Variants in SS18 observed in about 807,000 individuals in gnomAD.
SS18 encodes SS18 subunit of BAF chromatin remodeling complex.
SS18 carries 28 observed loss-of-function variants against 72.5 expected under a neutral mutation model. That is an observed-to-expected ratio of 0.39 (90% CI 0.29 to 0.53). The LOEUF is 0.53. Ranked by LOEUF, SS18 falls within the 20% of genes least tolerant of loss-of-function variation. SS18 has a pLI of 0.76. For missense variants in SS18, 518 were observed against 535.3 expected (o/e 0.97, Z 0.32); for synonymous variants, 172 against 164.2 (o/e 1.05, Z -0.37).
Position 26,052,736 on chromosome 18 carries a change from A to G in SS18, c.495T>C (p.His165=), listed in dbSNP as rs766670091. ...SSHGSMGGYN[H]SVPSSQSMPV... ...GCATGCTCTGTGATGATGGCACAGA[A>G]TGGTTGTAACCTCCCATGGATCCAT... is the stretch of plus-strand genomic sequence containing the variant. Residue 165 remains histidine (H), a synonymous_variant, in exon 5 of 11, where the codon CAT becomes CAC. Coordinates refer to ENST00000415083, the MANE Select transcript of SS18 (RefSeq NM_001007559.3). The G allele has an allele frequency of 5.7e-5, 92 of 1,614,030 alleles. No homozygotes were observed. The highest frequency in any genetic ancestry group is 1.2e-4 in the Admixed American group (7 of 60,004).
intron 5 of SS18, among the ~76,000 whole-genome samples, chr18:26,050,227 A>G (rs906270367): frequency 6.8e-6 from 1 of 147,964 alleles, no homozygotes; most frequent in African/African-American, 2.5e-5. Flanking sequence ...AAAAAGTGAG[A>G]CTCCACCTCA....
At chr18:26,080,694 T>G (rs1010929066) in intron 2 of SS18, among the ~76,000 whole-genome samples, 5 of 152,214 alleles carry the variant, frequency 3.3e-5, no homozygotes, top group African/African-American at 9.7e-5. Flanking sequence ...ACAGAAAAGT[T>G]TCAATAGCAA....
intron 2 of SS18, chr18:26,078,486 G>GTACA (rs1241026484): frequency 4.1e-5 from 8 of 195,982 alleles, no homozygotes; most frequent in Admixed American, 1.7e-4. Flanking sequence ...TTGATAACTT[G>GTACA]TACATGATTG....
Position 26,034,985 on chromosome 18 carries a change from T to C in SS18, c.1096+20A>G, listed in dbSNP as rs375637555. The C allele has an allele frequency of 6.9e-6, 11 of 1,598,066 alleles. No homozygotes were observed. Among genetic ancestry groups the C allele is most frequent in the Non-Finnish European group, 8.5e-7 (1 of 1,174,632 alleles). ...CAGCACATTTTTTTGGTGATAAAAA[T>C]ACACTGTACAAAGCTTTACCGTAGC... On this transcript the variant is annotated intron_variant, in intron 9 of 10. Transcript: ENST00000415083.
At chr18:26,039,480 C>T (rs772159961) in intron 5 of SS18, 24 bp from the exon 6 acceptor site, 1 of 1,569,334 alleles carries the variant, frequency 6.4e-7, no homozygotes, top group Admixed American at 1.7e-5. Context: ...CAACATTATA[C>T]ACATAATTTT....
chr18:26,039,698 A>C (rs1175824507), intron 5 of SS18, among the ~76,000 whole-genome samples: 1 of 152,214 alleles, frequency 6.6e-6, no homozygotes, highest in East Asian at 1.9e-4. Flanking sequence ...GATGATTCTT[A>C]GTCATTTTTT....
intron 10 of SS18, among the ~76,000 whole-genome samples, chr18:26,022,268 C>T (rs59218431): frequency 0.11 from 16,588 of 151,930 alleles, 1,481 homozygotes; most frequent in African/African-American, 0.23. Flanking sequence ...AGAGACTCAA[C>T]AGTAATAAAA....
intron 5 of SS18, among the ~76,000 whole-genome samples, chr18:26,044,375 A>G (rs2053783225): frequency 6.8e-6 from 1 of 146,544 alleles, no homozygotes; most frequent in African/African-American, 2.6e-5. Context: ...CCCAGGCTGG[A>G]GTGCATGGTA....
intron 5 of SS18, among the ~76,000 whole-genome samples, chr18:26,043,536 T>C (rs1424466010): frequency 6.6e-6 from 1 of 152,222 alleles, no homozygotes; most frequent in Non-Finnish European, 1.5e-5. Context: ...ATAATTTATT[T>C]GCAAGAATCC....
intron 3 of SS18, among the ~76,000 whole-genome samples, chr18:26,069,736 G>A (rs559883518): frequency 4.7e-4 from 72 of 152,184 alleles, no homozygotes; most frequent in Admixed American, 1.3e-3. Context: ...TACCACAATA[G>A]AAAGAACTAT....
At chr18:26,087,617 C>T in intron 1 of SS18, 40 bp from the exon 2 acceptor site, 1 of 1,172,556 alleles carries the variant, frequency 8.5e-7, no homozygotes, top group Non-Finnish European at 1.2e-6. Context: ...AAAACTAGTG[C>T]ATCAAGTAAA....
At position 26,060,864 on chromosome 18, in the gene SS18, G is replaced by A. The variant is rs73403503; in HGVS notation, c.232-3122C>T. On this transcript the variant is annotated intron_variant, in intron 3 of 10. Coordinates refer to ENST00000415083, the MANE Select transcript of SS18 (RefSeq NM_001007559.3). ...CCTGATACTTGGGAGGCTGAGAAAC[G>A]AGAATCGCTTGCACCTGGGAGGTGG... Among the ~76,000 whole-genome samples the A allele has an allele frequency of 4.7e-3, 653 of 139,470 alleles. 5 individuals carry two copies. Among genetic ancestry groups the A allele is most frequent in the African/African-American group, 0.015 (585 of 39,052 alleles). 91.5% of individuals were successfully genotyped at this position (139,470 alleles called of 152,430 possible).
chr18:26,038,455 T>C, intron 7 of SS18, 100 bp downstream of exon 7: 1 of 1,061,936 alleles, frequency 9.4e-7, no homozygotes, highest in South Asian at 1.4e-5. Context: ...AGGAAACAAA[T>C]TGTTAGTTTC....
At chr18:26,040,797 TA>T (rs1389289261) in intron 5 of SS18, among the ~76,000 whole-genome samples, 4 of 152,220 alleles carry the variant, frequency 2.6e-5, no homozygotes, top group Non-Finnish European at 5.9e-5. Flanking sequence ...AATGTGAATG[TA>T]AGCCTCTCAA....
At chr18:26,052,961 T>C in intron 4 of SS18, 116 bp from the exon 5 acceptor site, 1 of 755,590 alleles carries the variant, frequency 1.3e-6, no homozygotes, top group Non-Finnish European at 2.2e-6. Context: ...CAATAATTAA[T>C]CGATAGCAAA....
intron 3 of SS18, 103 bp from the exon 4 acceptor site, chr18:26,057,845 A>C (rs2054051194): frequency 1.8e-6 from 2 of 1,139,516 alleles, no homozygotes; most frequent in Admixed American, 2.8e-5. Flanking sequence ...TAAGAACAAA[A>C]ACACAAATGC....
intron 5 of SS18, among the ~76,000 whole-genome samples, chr18:26,043,668 A>G (rs376655972): frequency 1.3e-5 from 2 of 152,190 alleles, no homozygotes; most frequent in African/African-American, 4.8e-5. Flanking sequence ...TTAGTAGTTA[A>G]TAAGATGTTT....
intron 5 of SS18, among the ~76,000 whole-genome samples, chr18:26,048,541 AT>A (rs1276419259): frequency 6.6e-6 from 1 of 152,212 alleles, no homozygotes; most frequent in Non-Finnish European, 1.5e-5. Flanking sequence ...TTAATAATCC[AT>A]TGTGTAATAG....
Position 26,018,372 on chromosome 18 carries a change from A to G in SS18, c.1239T>C (p.Tyr413=). The G allele has an allele frequency of 6.3e-7, 1 of 1,594,974 alleles. No individual in the cohort carries two copies. Among genetic ancestry groups the G allele is most frequent in the Non-Finnish European group, 8.6e-7 (1 of 1,163,496 alleles). ...QRPYGYDQGQ[Y]GNYQQ ...TACTTTTTCACTGCTGGTAATTTCC[A>G]TACTGTCCCTAAAAGATAAATTTAA... The change falls in exon 11 of 11, where the codon TAT becomes TAC. Residue 413 remains tyrosine, a synonymous_variant. Coordinates refer to ENST00000415083, the MANE Select transcript of SS18 (RefSeq NM_001007559.3).
Sources: allele counts gnomAD v4.1 joint callset (sites outside exome capture counted in the v4.1 genomes callset), GRCh38; gene constraint gnomAD v4.1.1; transcripts MANE v1.5; gene names NCBI Gene and HGNC (gene_info 2026-07-23, HGNC 2026-07-21).